PDPR: variants seen among roughly 807,000 people sequenced by gnomAD.
The protein encoded by PDPR is pyruvate dehydrogenase phosphatase regulatory subunit, mitochondrial.
A neutral mutation model predicts 102.2 loss-of-function variants in PDPR; 50 were observed. The ratio of observed to expected loss-of-function variants is 0.49; its 90% CI spans 0.39 to 0.62. PDPR has a LOEUF of 0.62. Among genes scored for constraint, PDPR ranks in the 20% least tolerant of loss-of-function variants. The pLI, the probability that PDPR is intolerant of heterozygous loss-of-function variation, is 0.00. For missense variants in PDPR, 625 were observed against 1,098.2 expected, an observed-to-expected ratio of 0.57 and a Z score of 6.09; for synonymous variants, 259 against 406.0, an observed-to-expected ratio of 0.64 and a Z score of 4.35.
At position 70,156,559 on chromosome 16, in the gene PDPR, G is replaced by T; in HGVS notation, c.2320G>T (p.Asp774Tyr). 1.2e-6 allele frequency: 2 copies of T among 1,614,060 alleles called. No individual in the cohort carries two copies. Among genetic ancestry groups the T allele is most frequent in the South Asian group, 2.2e-5 (2 of 91,074 alleles). ...ACGCCTCACCATGTTCATCCTGGAC[G>T]ACCATGATTCAGACCTAGACCTTTG... ...YKRLTMFILD[D>Y]HDSDLDLWPW... is the part of the protein sequence containing the mutation. Residue 774 changes from aspartate to tyrosine, a missense_variant, in exon 19 of 19, where the codon GAC becomes TAC. Physicochemically the swap from Asp to Tyr is radical, Grantham distance 160. Around this residue, in one of 11 missense-constraint regions of PDPR, gnomAD observed 303 missense variants for 258.9 expected, o/e 1.17. Transcript: ENST00000288050.
chr16:70,162,379 T>A lies in PDPR; in HGVS notation c.*5500T>A, dbSNP rs1483863570. The A allele has an allele frequency of 2.0e-5, 3 of 152,590 alleles. No homozygotes were observed. The highest frequency in any genetic ancestry group is 2.0e-4 in the Admixed American group (3 of 15,280). The allele number at this position is 152,590 out of a possible 1,614,324, so 9.5% of individuals were successfully genotyped here. ...CAGTAAGTGGGATCTTTTCTAGAGATCCTGGGTGACTTTGGGTGCACAGGG... is the reference window on the plus strand; with the variant it reads ...CAGTAAGTGGGATCTTTTCTAGAGAACCTGGGTGACTTTGGGTGCACAGGG... On this transcript the variant is annotated 3_prime_UTR_variant, in exon 19 of 19. Coordinates refer to ENST00000288050, the MANE Select transcript of PDPR (RefSeq NM_017990.5).
intron 7 of PDPR, 28 bp downstream of exon 7, chr16:70,130,572 TATTTAAC>T: frequency 6.2e-7 from 1 of 1,612,436 alleles, no homozygotes; most frequent in Non-Finnish European, 8.5e-7. Context: ...CTGCTGTTCT[TATTTAAC>T]GTTTGTCTCC....
intron 2 of PDPR, among the ~76,000 whole-genome samples, chr16:70,115,534 A>G (rs1962551496): frequency 6.6e-6 from 1 of 152,140 alleles, no homozygotes; most frequent in Non-Finnish European, 1.5e-5. Flanking sequence ...GGAATCTGTC[A>G]TTTTTAAACA....
At chr16:70,133,105 C>T (rs1282597536) in intron 9 of PDPR, among the ~76,000 whole-genome samples, 2 of 138,090 alleles carry the variant, frequency 1.4e-5, no homozygotes, top group East Asian at 5.0e-4. Flanking sequence ...CCATGATACC[C>T]AGCTGCTTTT....
At position 70,121,074 on chromosome 16, in the gene PDPR, C is replaced by A. The variant is rs1280644590; in HGVS notation, c.227+355C>A. Among the ~76,000 whole-genome samples, 3 of 151,526 alleles carry A rather than the reference C, an allele frequency of 2.0e-5. No individual in the cohort carries two copies. In the East Asian group the frequency reaches 5.8e-4, roughly 29 times the overall value. On this transcript the variant is annotated intron_variant, in intron 3 of 18. Coordinates refer to ENST00000288050, the MANE Select transcript of PDPR (RefSeq NM_017990.5). ...CAAAGTGCTGGGACTACAGGCATGACCCACTGTACCCAGCAACATTTTAGA... is the reference window on the plus strand; with the variant it reads ...CAAAGTGCTGGGACTACAGGCATGAACCACTGTACCCAGCAACATTTTAGA...
At chr16:70,117,483 A>G (rs1279808436) in intron 2 of PDPR, among the ~76,000 whole-genome samples, 1 of 151,600 alleles carries the variant, frequency 6.6e-6, no homozygotes, top group Admixed American at 6.6e-5. Flanking sequence ...GCACCACTGC[A>G]CTCCAGCCTG....
chr16:70,127,164 C>A (rs1567527234), intron 3 of PDPR, 96 bp from the exon 4 acceptor site: 2 of 1,540,358 alleles, frequency 1.3e-6, no homozygotes, highest in South Asian at 2.6e-5. Flanking sequence ...TTGTTTCCAT[C>A]TTTTGGTGTT....
At chr16:70,126,251 G>T (rs1348721074) in intron 3 of PDPR, among the ~76,000 whole-genome samples, 1 of 152,264 alleles carries the variant, frequency 6.6e-6, no homozygotes, top group Non-Finnish European at 1.5e-5. Flanking sequence ...TTGCTCTATT[G>T]CTTAGTCTGA....
At chr16:70,162,621 G>C (rs931850973), downstream of PDPR, 1 of 152,754 alleles carries the variant, frequency 6.5e-6, no homozygotes, top group Non-Finnish European at 1.5e-5. Context: ...AGAGGAGAGT[G>C]TGTACCTCCC....
rs1254873231 is a variant in PDPR, at chr16:70,114,459, G to A, written c.-143+19G>A. On this transcript the variant is annotated intron_variant, in intron 1 of 18. Transcript: ENST00000288050. ...CGGTGAGGTAAGGAGATAGCTTCGG[G>A]GCAACTCTGGCCTCCCCGTCCGCGC... 1 of 152,196 alleles carries A rather than the reference G, an allele frequency of 6.6e-6. No homozygotes were observed. Among genetic ancestry groups the A allele is most frequent in the Non-Finnish European group, 1.5e-5 (1 of 68,046 alleles). The allele number at this position is 152,196 out of a possible 1,614,324, so 9.4% of individuals were successfully genotyped here.
chr16:70,125,645 T>C (rs1391173978), intron 3 of PDPR, among the ~76,000 whole-genome samples: 6 of 152,126 alleles, frequency 3.9e-5, no homozygotes, highest in South Asian at 2.1e-4. Flanking sequence ...TTCTTTCTTT[T>C]TTTTTTTAAG....
In PDPR at chr16:70,114,340, A is replaced by T. The variant is rs1472902230; in HGVS notation, c.-243A>T. On this transcript the variant is annotated 5_prime_UTR_variant, in exon 1 of 19. Coordinates refer to ENST00000288050, the MANE Select transcript of PDPR (RefSeq NM_017990.5). Reference sequence around the variant, plus strand: ...CGCCCCGCCCCCTTCCCATCCCCGAACCCCGCTTTCCGGCCCGCGGCGACC... The same window carrying T: ...CGCCCCGCCCCCTTCCCATCCCCGATCCCCGCTTTCCGGCCCGCGGCGACC... The T allele has an allele frequency of 1.3e-5, 2 of 151,662 alleles. No individual in the cohort carries two copies. The highest frequency in any genetic ancestry group is 2.9e-5 in the Non-Finnish European group (2 of 67,904). 9.4% of individuals were successfully genotyped at this position (151,662 alleles called of 1,614,324 possible). A position where few individuals can be genotyped will look rare whatever the true frequency, so the allele number is the denominator to read the frequency against.
At chr16:70,162,996 G>C (rs1348087980), downstream of PDPR, among the ~76,000 whole-genome samples, 2 of 152,284 alleles carry the variant, frequency 1.3e-5, no homozygotes, top group Non-Finnish European at 2.9e-5. Flanking sequence ...TTTTGCCCAG[G>C]CTGGAGTACA....
intron 16 of PDPR, chr16:70,147,807 C>T (rs1966359847): frequency 5.6e-6 from 2 of 358,574 alleles, no homozygotes; most frequent in African/African-American, 4.3e-5. Context: ...TCAGTGGACC[C>T]CTCCCAGCGT....
chr16:70,160,574 T>C lies in PDPR; in HGVS notation c.*3695T>C, dbSNP rs1967685306. The C allele has an allele frequency of 6.6e-6, 1 of 152,562 alleles. No individual in the cohort carries two copies. 9.5% of individuals were successfully genotyped at this position (152,562 alleles called of 1,614,324 possible). On this transcript the variant is annotated 3_prime_UTR_variant, in exon 19 of 19. Coordinates refer to ENST00000288050, the MANE Select transcript of PDPR (RefSeq NM_017990.5). ...TCACTCTGGCCCCAGGAGTGGAGCC[T>C]GGCCACTCCTGTTTGGTTCTCACTG...
At chr16:70,152,386 G>A (rs1383802334) in intron 17 of PDPR, among the ~76,000 whole-genome samples, 6 of 152,268 alleles carry the variant, frequency 3.9e-5, no homozygotes, top group African/African-American at 1.4e-4. Context: ...GGGTGTGGCG[G>A]CAGCCACCTA....
intron 17 of PDPR, among the ~76,000 whole-genome samples, chr16:70,150,318 G>T (rs1400663777): frequency 1.3e-5 from 2 of 150,834 alleles, no homozygotes; most frequent in African/African-American, 4.9e-5. Flanking sequence ...TGGCCAGCTT[G>T]GTCTCGAACT....
Position 70,157,079 on chromosome 16 carries a change from T to A in PDPR, c.*200T>A. The A allele has an allele frequency of 1.3e-6, 1 of 771,448 alleles. No individual in the cohort carries two copies. Among genetic ancestry groups the A allele is most frequent in the Non-Finnish European group, 2.2e-6 (1 of 451,282 alleles). The allele number at this position is 771,448 out of a possible 1,614,324, so 47.8% of individuals were successfully genotyped here. A position where few individuals can be genotyped will look rare whatever the true frequency, so the allele number is the denominator to read the frequency against. On this transcript the variant is annotated 3_prime_UTR_variant, in exon 19 of 19. Coordinates refer to ENST00000288050, the MANE Select transcript of PDPR (RefSeq NM_017990.5). ...TCCTTGCCCTTCCACCTCCTCCTCCTAATATTCACTCTGGGCTCTTCTTCC... is the reference window on the plus strand; with the variant it reads ...TCCTTGCCCTTCCACCTCCTCCTCCAAATATTCACTCTGGGCTCTTCTTCC...
At chr16:70,138,551 AC>A (rs1422757783) in intron 10 of PDPR, among the ~76,000 whole-genome samples, 6 of 151,594 alleles carry the variant, frequency 4.0e-5, no homozygotes, top group Non-Finnish European at 8.8e-5. Flanking sequence ...ACGGGGTCTT[AC>A]TATGTTGCCC....
Sources: gnomAD v4.1 joint callset for allele counts (sites outside exome capture counted in the v4.1 genomes callset) on GRCh38, gnomAD v4.1.1 for gene constraint, gnomAD v4.1.1 regional missense constraint, MANE v1.5 for transcripts, NCBI Gene and HGNC (gene_info 2026-07-23, HGNC 2026-07-21) for gene names.